The following PTPRD variants were observed in gnomAD, a reference collection of about 807,000 sequenced individuals.
PTPRD encodes protein tyrosine phosphatase receptor type D.
Under a neutral mutation model 214.5 loss-of-function variants are expected in PTPRD, and 34 were observed. That is an observed-to-expected ratio of 0.16 (90% CI 0.12 to 0.21). The LOEUF (loss-of-function observed/expected upper bound fraction) is 0.21. PTPRD is among the 10% of genes least tolerant of loss of function. The pLI, the probability that PTPRD is intolerant of heterozygous loss-of-function variation, is 1.00. For synonymous variants in PTPRD, 1,128 were observed against 845.7 expected (o/e 1.33, Z -5.79); for missense variants, 2,545 against 2,398.7 (o/e 1.06, Z -1.27).
At chr9:9,660,350 G>A (rs1217357208) in intron 7 of PTPRD, among the ~76,000 whole-genome samples, 1 of 151,996 alleles carries the variant, frequency 6.6e-6, no homozygotes, top group Non-Finnish European at 1.5e-5. Context: ...CAAGCAAGAG[G>A]ACAGGTTAAA....
At chr9:10,170,529 C>T (rs10123331) in intron 3 of PTPRD, among the ~76,000 whole-genome samples, 39,285 of 151,684 alleles carry the variant, frequency 0.26, 5,271 homozygotes, top group South Asian at 0.37. Flanking sequence ...CTACTAAAAA[C>T]ACAAAAAATT....
intron 14 of PTPRD, among the ~76,000 whole-genome samples, chr9:8,557,431 AATACAT>A (rs946615898): frequency 8.1e-5 from 9 of 111,752 alleles, no homozygotes; most frequent in African/African-American, 4.6e-4. Flanking sequence ...TTCATTTGTA[AATACAT>A]ATATATATAT....
chr9:9,351,083 C>T (rs939681326), intron 9 of PTPRD, among the ~76,000 whole-genome samples: 70 of 152,128 alleles, frequency 4.6e-4, no homozygotes, highest in African/African-American at 1.6e-3. Context: ...GTTACATGAA[C>T]ACTTGCTGGT....
chr9:9,938,324 T>A (rs1282206448), intron 5 of PTPRD, among the ~76,000 whole-genome samples, 183 bp downstream of exon 5: 2 of 152,230 alleles, frequency 1.3e-5, no homozygotes, highest in Admixed American at 1.3e-4. Context: ...AAAAAGTATA[T>A]GCATTGACCT....
intron 10 of PTPRD, among the ~76,000 whole-genome samples, chr9:9,021,051 G>T (rs952408758): frequency 5.3e-5 from 8 of 152,218 alleles, no homozygotes; most frequent in Admixed American, 5.2e-4. Context: ...CTAATGTGCT[G>T]CCAATTTAAC....
chr9:8,709,534 AAAAG>A (rs2098283376), intron 12 of PTPRD, among the ~76,000 whole-genome samples: 1 of 150,766 alleles, frequency 6.6e-6, no homozygotes, highest in South Asian at 2.1e-4. Context: ...AAAAAAAAGA[AAAAG>A]AAAAAGAAAA....
intron 4 of PTPRD, among the ~76,000 whole-genome samples, chr9:9,974,538 A>C (rs1394419008): frequency 6.6e-6 from 1 of 152,230 alleles, no homozygotes; most frequent in Non-Finnish European, 1.5e-5. Context: ...ATTTGAAAAT[A>C]ACATTTAAAT....
chr9:9,633,643 G>A (rs887316403), intron 7 of PTPRD, among the ~76,000 whole-genome samples: 8 of 152,194 alleles, frequency 5.3e-5, no homozygotes, highest in South Asian at 2.1e-4. Flanking sequence ...ATTCATGTTC[G>A]AAGGAAAGTA....
At chr9:10,512,032 A>G (rs773773924) in intron 2 of PTPRD, among the ~76,000 whole-genome samples, 311 of 15,224 alleles carry the variant, frequency 0.02, 7 homozygotes, top group Non-Finnish European at 0.028. Context: ...ATATATATGT[A>G]TATATATATA....
At chr9:9,114,602 G>C (rs1042862495) in intron 10 of PTPRD, among the ~76,000 whole-genome samples, 3 of 151,966 alleles carry the variant, frequency 2.0e-5, no homozygotes, top group Non-Finnish European at 2.9e-5. Context: ...TCATTCCTGG[G>C]GACTTTATGG....
intron 10 of PTPRD, among the ~76,000 whole-genome samples, chr9:9,050,816 A>G (rs1341265287): frequency 2.0e-5 from 3 of 152,102 alleles, no homozygotes; most frequent in Non-Finnish European, 2.9e-5. Flanking sequence ...ATTATCATTT[A>G]TTATTGTTAA....
chr9:9,091,574 A>G (rs2099775961), intron 10 of PTPRD, among the ~76,000 whole-genome samples: 1 of 152,200 alleles, frequency 6.6e-6, no homozygotes, highest in Admixed American at 6.5e-5. Context: ...CATAGTAATA[A>G]GCCTATTCAG....
chr9:9,692,672 T>C (rs979544099), intron 7 of PTPRD, among the ~76,000 whole-genome samples: 3 of 151,772 alleles, frequency 2.0e-5, no homozygotes, highest in African/African-American at 7.3e-5. Flanking sequence ...AAGACTGTCA[T>C]TGGTATTGTG....
chr9:10,518,663 G>C (rs1475133690), intron 2 of PTPRD, among the ~76,000 whole-genome samples: 1 of 151,846 alleles, frequency 6.6e-6, no homozygotes, highest in Non-Finnish European at 1.5e-5. Flanking sequence ...CTCCCAAGTA[G>C]CTGGGACTAC....
chr9:8,426,409 A>T (rs1466777820), intron 35 of PTPRD, among the ~76,000 whole-genome samples: 5 of 152,214 alleles, frequency 3.3e-5, no homozygotes, highest in South Asian at 4.1e-4. Context: ...CCGGTGCTAA[A>T]ATCCCAATTT....
chr9:10,058,750 C>T (rs898013385), intron 3 of PTPRD, among the ~76,000 whole-genome samples: 1 of 152,092 alleles, frequency 6.6e-6, no homozygotes, highest in Non-Finnish European at 1.5e-5. Flanking sequence ...ATACTGACAT[C>T]CCCTGCTCAG....
chr9:9,037,104 C>T lies in PTPRD; in HGVS notation c.-142-18369G>A, dbSNP rs531978021. Among the ~76,000 whole-genome samples the T allele has an allele frequency of 2.0e-5, 3 of 152,226 alleles. No individual in the cohort carries two copies. The East Asian group carries it at 5.8e-4, about 29-fold the overall frequency. ...GAAACCCGTTAATAACAGGAAGTAA[C>T]TCACTCCGTGCCTGGAATCTGGAAT... On this transcript the variant is annotated intron_variant, in intron 10 of 45. Transcript: ENST00000381196.
rs1275194893 is a variant in PTPRD, at chr9:8,857,003, A to G, written c.-103-123057T>C. Among the ~76,000 whole-genome samples, 3 of 152,172 alleles carry G rather than the reference A, an allele frequency of 2.0e-5. No homozygotes were observed. The East Asian group carries it at 5.8e-4, about 29-fold the overall frequency. On this transcript the variant is annotated intron_variant, in intron 11 of 45. Coordinates refer to ENST00000381196, the MANE Select transcript of PTPRD (RefSeq NM_002839.4). ...TTGTTTCTTACAACTTTGACTCTTC[A>G]TTATAAAAGATGCGTTCCCTTCCCT...
intron 8 of PTPRD, among the ~76,000 whole-genome samples, chr9:9,487,208 C>T (rs1043419441): frequency 1.3e-5 from 2 of 151,898 alleles, no homozygotes; most frequent in Non-Finnish European, 2.9e-5. Flanking sequence ...TATCCCTCCC[C>T]CTTCCCCCCA....
Sources: gnomAD v4.1 joint callset for allele counts (sites outside exome capture counted in the v4.1 genomes callset) on GRCh38, gnomAD v4.1.1 for gene constraint, MANE v1.5 for transcripts, NCBI Gene and HGNC (gene_info 2026-07-23, HGNC 2026-07-21) for gene names.